CDH12: variants seen among roughly 807,000 people sequenced by gnomAD.
CDH12 encodes cadherin-12.
Under a neutral mutation model 74.1 loss-of-function variants are expected in CDH12, and 41 were observed. The observed-to-expected ratio is 0.55, with a 90% CI of 0.43 to 0.72. The LOEUF is 0.72. Among genes scored for constraint, CDH12 ranks in the 30% least tolerant of loss-of-function variants. The pLI is 0.00. For synonymous variants in CDH12, 399 were observed against 355.0 expected (o/e 1.12, Z -1.39); for missense variants, 945 against 977.2 (o/e 0.97, Z 0.44).
At chr5:22,676,046 A>T (rs1235122279) in intron 1 of CDH12, among the ~76,000 whole-genome samples, 6 of 151,602 alleles carry the variant, frequency 4.0e-5, no homozygotes, top group Middle Eastern at 3.2e-3. Flanking sequence ...CTAATTTAAA[A>T]ATAACTATTT....
intron 3 of CDH12, among the ~76,000 whole-genome samples, chr5:22,327,144 C>A (rs1001349059): frequency 8.6e-5 from 13 of 151,942 alleles, no homozygotes; most frequent in Admixed American, 5.9e-4. Context: ...ACATTTAATA[C>A]AATACAAATG....
intron 2 of CDH12, among the ~76,000 whole-genome samples, chr5:22,435,524 G>GTGTGTGTGTATA (rs148027987): frequency 3.4e-5 from 5 of 148,826 alleles, no homozygotes; most frequent in East Asian, 2.0e-4. Flanking sequence ...GTGTGTGTGT[G>GTGTGTGTGTATA]TATATACATA....
chr5:22,714,622 C>G, intron 1 of CDH12, among the ~76,000 whole-genome samples: 1 of 152,146 alleles, frequency 6.6e-6, no homozygotes, highest in East Asian at 1.9e-4. Context: ...TGGGATAATT[C>G]ATAAATATTC....
chr5:22,520,453 T>C (rs1737003220), intron 1 of CDH12, among the ~76,000 whole-genome samples: 1 of 152,124 alleles, frequency 6.6e-6, no homozygotes, highest in South Asian at 2.1e-4. Context: ...TAAGTTAGAT[T>C]CAAGTAACCT....
intron 13 of CDH12, among the ~76,000 whole-genome samples, chr5:21,756,550 T>C (rs776381991): frequency 6.6e-6 from 1 of 152,196 alleles, no homozygotes; most frequent in Non-Finnish European, 1.5e-5. Context: ...ATTACTATTT[T>C]TATATAAATG....
intron 1 of CDH12, among the ~76,000 whole-genome samples, chr5:22,711,403 T>C (rs1261062860): frequency 6.6e-6 from 1 of 152,080 alleles, no homozygotes; most frequent in African/African-American, 2.4e-5. Context: ...ATGAAATGTG[T>C]GATATGACAA....
At chr5:22,646,062 TAAAC>T (rs1294794775) in intron 1 of CDH12, among the ~76,000 whole-genome samples, 2 of 151,604 alleles carry the variant, frequency 1.3e-5, no homozygotes, top group Non-Finnish European at 3.0e-5. Context: ...ATCCAATAAA[TAAAC>T]AAACTAAAAA....
At chr5:22,170,395 C>A (rs183555634) in intron 4 of CDH12, among the ~76,000 whole-genome samples, 107 of 151,758 alleles carry the variant, frequency 7.1e-4, no homozygotes, top group African/African-American at 2.6e-3. Context: ...ACTTTTAAGG[C>A]AATTGTACTT....
At chr5:22,577,408 T>C (rs1739850210) in intron 1 of CDH12, among the ~76,000 whole-genome samples, 1 of 152,192 alleles carries the variant, frequency 6.6e-6, no homozygotes, top group Admixed American at 6.5e-5. Flanking sequence ...AACTAATATC[T>C]TGTTCCAGAT....
intron 3 of CDH12, among the ~76,000 whole-genome samples, chr5:22,335,620 G>A (rs1413815346): frequency 2.6e-5 from 4 of 151,738 alleles, no homozygotes; most frequent in Non-Finnish European, 1.5e-5. Flanking sequence ...AAACAAGGGG[G>A]AGTTTCCCTG....
chr5:22,303,696 A>C (rs1413030186), intron 3 of CDH12, among the ~76,000 whole-genome samples: 1 of 152,210 alleles, frequency 6.6e-6, no homozygotes, highest in Non-Finnish European at 1.5e-5. Context: ...GATTTCTGCC[A>C]CTGAAGCCAG....
chr5:22,174,747 C>A (rs145332052), intron 4 of CDH12, among the ~76,000 whole-genome samples: 2 of 151,940 alleles, frequency 1.3e-5, no homozygotes, highest in African/African-American at 4.8e-5. Flanking sequence ...TTCTAATTAA[C>A]CGAATCCACC....
intron 1 of CDH12, among the ~76,000 whole-genome samples, chr5:22,713,400 G>A (rs1018891685): frequency 1.3e-5 from 2 of 151,404 alleles, no homozygotes; most frequent in African/African-American, 4.8e-5. Flanking sequence ...CTTGGCCTCC[G>A]AAACTGCTGG....
intron 11 of CDH12, chr5:21,774,273 T>C (rs1394161725): frequency 6.6e-6 from 1 of 152,164 alleles, no homozygotes; most frequent in African/African-American, 2.4e-5. Flanking sequence ...TCTTCCTGCC[T>C]TCATCATTCC....
intron 1 of CDH12, among the ~76,000 whole-genome samples, chr5:22,782,172 T>A (rs1225826450): frequency 6.6e-6 from 1 of 152,130 alleles, no homozygotes; most frequent in Non-Finnish European, 1.5e-5. Flanking sequence ...AGTTAAGACC[T>A]TGGGGGACTG....
intron 5 of CDH12, among the ~76,000 whole-genome samples, chr5:22,070,092 T>G (rs1741842433): frequency 6.6e-6 from 1 of 152,180 alleles, no homozygotes; most frequent in Admixed American, 6.6e-5. Context: ...ATATGATATA[T>G]TTAATATCTT....
chr5:21,888,662 T>G (rs1435836414), intron 6 of CDH12, among the ~76,000 whole-genome samples: 1 of 151,964 alleles, frequency 6.6e-6, no homozygotes, highest in African/African-American at 2.4e-5. Flanking sequence ...ATGTGGGAGG[T>G]ATTTGTGATA....
At chr5:21,832,186 T>C (rs1749059332) in intron 8 of CDH12, among the ~76,000 whole-genome samples, 1 of 152,170 alleles carries the variant, frequency 6.6e-6, no homozygotes, top group South Asian at 2.1e-4. Flanking sequence ...ACTCTGCTAA[T>C]GGCACCATGA....
chr5:21,882,545 A>G, intron 6 of CDH12: 4 of 1,157,780 alleles, frequency 3.5e-6, no homozygotes, highest in Non-Finnish European at 5.2e-6. Flanking sequence ...GCCGCCGACA[A>G]CCTGTCTCGC....
Sources: gnomAD v4.1 joint callset for allele counts (sites outside exome capture counted in the v4.1 genomes callset) on GRCh38, gnomAD v4.1.1 for gene constraint, MANE v1.5 for transcripts, NCBI Gene and HGNC (gene_info 2026-07-23, HGNC 2026-07-21) for gene names.